Variants in B3GALNT1 observed in about 807,000 individuals in gnomAD.
B3GALNT1 encodes the protein beta-1,3-N-acetylgalactosaminyltransferase 1 (Globoside blood group), also known as UDP-GalNAc:beta-1,3-N-acetylgalactosaminyltransferase 1.
A neutral mutation model predicts 27.3 loss-of-function variants in B3GALNT1; 17 were observed. That is an observed-to-expected ratio of 0.62 (90% CI 0.43 to 0.94). The LOEUF (loss-of-function observed/expected upper bound fraction) is 0.94, where lower values mean the gene tolerates loss of function less well. B3GALNT1 is among the 40% of genes least tolerant of loss of function. B3GALNT1 has a pLI of 0.00. For synonymous variants in B3GALNT1, 141 were observed against 144.0 expected (o/e 0.98, Z 0.15); for missense variants, 347 against 390.0 (o/e 0.89, Z 0.93).
At position 161,084,689 on chromosome 3, in the gene B3GALNT1, C is replaced by T. The variant is rs1239528517; in HGVS notation, c.*1070G>A. Reference sequence around the variant, plus strand: ...AGGGCTTTCATCTTGATGAGAAACTCATAACAGCAGCAGCTCAAACTGATT... The same window carrying T: ...AGGGCTTTCATCTTGATGAGAAACTTATAACAGCAGCAGCTCAAACTGATT... On this transcript the variant is annotated 3_prime_UTR_variant, in exon 5 of 5. Transcript: ENST00000320474. The T allele has an allele frequency of 1.3e-5, 2 of 152,132 alleles. No homozygotes were observed. Among genetic ancestry groups the T allele is most frequent in the African/African-American group, 4.8e-5 (2 of 41,452 alleles). 9.4% of individuals were successfully genotyped at this position (152,132 alleles called of 1,614,324 possible).
In B3GALNT1 at chr3:161,084,533, G is replaced by A. The variant is rs1489885824; in HGVS notation, c.*1226C>T. On this transcript the variant is annotated 3_prime_UTR_variant, in exon 5 of 5. Transcript: ENST00000320474. ...TAAAAAGAAAACTGCATAAACCCAG[G>A]AACAGGGGGCAAGGAGTGCTCCCCT... 1 of 151,612 alleles carries A rather than the reference G, an allele frequency of 6.6e-6. No individual in the cohort carries two copies. Among genetic ancestry groups the A allele is most frequent in the Admixed American group, 6.6e-5 (1 of 15,210 alleles). The allele number at this position is 151,612 out of a possible 1,614,324, so 9.4% of individuals were successfully genotyped here. A position where few individuals can be genotyped will look rare whatever the true frequency, so the allele number is the denominator to read the frequency against.
At chr3:161,097,043 G>A (rs1409873143) in intron 4 of B3GALNT1, among the ~76,000 whole-genome samples, 1 of 152,204 alleles carries the variant, frequency 6.6e-6, no homozygotes, top group African/African-American at 2.4e-5. Context: ...CACCACCTAG[G>A]AGTGTATTAG....
chr3:161,104,489 A>C, intron 1 of B3GALNT1, 83 bp from the exon 2 acceptor site: 2 of 559,068 alleles, frequency 3.6e-6, no homozygotes, highest in South Asian at 3.7e-5. Flanking sequence ...GCGAACGGAT[A>C]CTGAATTCAA....
intron 1 of B3GALNT1, 196 bp from the exon 2 acceptor site, chr3:161,104,602 A>G: frequency 3.2e-6 from 1 of 312,458 alleles, no homozygotes; most frequent in South Asian, 2.6e-5. Context: ...ATGTTCCTTA[A>G]CACTGCCTGT....
intron 4 of B3GALNT1, among the ~76,000 whole-genome samples, chr3:161,098,861 GCT>G (rs1287078507): frequency 1.2e-4 from 18 of 152,286 alleles, no homozygotes; most frequent in Admixed American, 9.2e-4. Context: ...CACTGAGAAT[GCT>G]CTGTTTGACT....
intron 4 of B3GALNT1, among the ~76,000 whole-genome samples, chr3:161,094,833 A>G (rs1259706377): frequency 6.6e-6 from 1 of 152,166 alleles, no homozygotes; most frequent in African/African-American, 2.4e-5. Flanking sequence ...CATTTGCCAC[A>G]ATGCCGGGCA....
rs138641937 is a variant in B3GALNT1 at position 161,097,627 on chromosome 3, C to T, written c.-35+3512G>A. Among the ~76,000 whole-genome samples, 230 of 152,296 alleles carry T rather than the reference C, an allele frequency of 1.5e-3. 1 individual carries two copies. Among genetic ancestry groups the T allele is most frequent in the African/African-American group, 5.0e-3 (207 of 41,574 alleles). On this transcript the variant is annotated intron_variant, in intron 4 of 4. Coordinates refer to ENST00000320474, the MANE Select transcript of B3GALNT1 (RefSeq NM_003781.4). ...AAGCCAAACGCACATTTCTGGGTTC[C>T]GCCTCTGCACATGTGCTCCCCTCTC...
rs1721861021 is a variant in B3GALNT1 at position 161,086,422 on chromosome 3, C to T, written c.333G>A (p.Glu111=). 2.5e-6 allele frequency: 4 copies of T among 1,613,824 alleles called. No individual in the cohort carries two copies. Among genetic ancestry groups the T allele is most frequent in the Non-Finnish European group, 3.4e-6 (4 of 1,180,002 alleles). Residue 111 remains glutamate, a synonymous_variant, in exon 5 of 5, where the codon GAG becomes GAA. Coordinates refer to ENST00000320474, the MANE Select transcript of B3GALNT1 (RefSeq NM_003781.4). ...WGEKKSWWGY[E]VLTFFLLGQE... is the part of the protein sequence containing the mutation. Reference sequence around the variant, plus strand: ...GGCCTAATAAGAAAAATGTAAGAACCTCATATCCCCACCAAGACTTTTTTT... The same window carrying T: ...GGCCTAATAAGAAAAATGTAAGAACTTCATATCCCCACCAAGACTTTTTTT...
intron 4 of B3GALNT1, among the ~76,000 whole-genome samples, chr3:161,100,219 A>C (rs1312626136): frequency 6.6e-6 from 1 of 152,244 alleles, no homozygotes; most frequent in Non-Finnish European, 1.5e-5. Context: ...AGTTCATAGA[A>C]AAGGTTTCAT....
In B3GALNT1 at chr3:161,085,143, T is replaced by G. The variant is rs777360277; in HGVS notation, c.*616A>C. The G allele has an allele frequency of 1.3e-5, 2 of 152,542 alleles. No individual in the cohort carries two copies. The highest frequency in any genetic ancestry group is 2.4e-5 in the African/African-American group (1 of 41,462). The allele number at this position is 152,542 out of a possible 1,614,324, so 9.4% of individuals were successfully genotyped here. A position where few individuals can be genotyped will look rare whatever the true frequency, so the allele number is the denominator to read the frequency against. ...GTTAAGTAACTGGAAAATGTTTGCA[T>G]GTAAAGAATGATTCACTATCCTTTT... On this transcript the variant is annotated 3_prime_UTR_variant, in exon 5 of 5. Transcript: ENST00000320474.
Position 161,085,795 on chromosome 3 carries a change from C to A in B3GALNT1, c.960G>T (p.Trp320Cys). The change falls in exon 5 of 5, where the codon TGG becomes TGT. Residue 320 changes from tryptophan (W) to cysteine (C), a missense_variant. By Grantham distance (215) the Trp-to-Cys change is radical. Coordinates refer to ENST00000320474, the MANE Select transcript of B3GALNT1 (RefSeq NM_003781.4). ...GFSSKEIITF[W>C]QVMLRNTTCH... ...ATGTGGTGTTCCTTAGCATGACCTG[C>A]CAAAAAGTGATGATCTCCTTGGAAG... 6.2e-7 allele frequency: 1 copy of A among 1,614,082 alleles called. No individual in the cohort carries two copies. The highest frequency in any genetic ancestry group is 1.1e-5 in the South Asian group (1 of 91,060).
chr3:161,101,909 T>G (rs1275823365), intron 3 of B3GALNT1, among the ~76,000 whole-genome samples: 1 of 152,232 alleles, frequency 6.6e-6, no homozygotes, highest in Non-Finnish European at 1.5e-5. Flanking sequence ...AGATATGGTT[T>G]GAGCCCTATG....
chr3:161,089,427 G>A (rs1041431657), intron 4 of B3GALNT1, among the ~76,000 whole-genome samples: 2 of 152,060 alleles, frequency 1.3e-5, no homozygotes, highest in African/African-American at 4.8e-5. Context: ...TGACATGATG[G>A]CTACAAAAAG....
chr3:161,095,686 C>T (rs999123105), intron 4 of B3GALNT1, among the ~76,000 whole-genome samples: 2 of 152,170 alleles, frequency 1.3e-5, no homozygotes, highest in Non-Finnish European at 2.9e-5. Context: ...AGCTGCTAAC[C>T]CTGGTAGTAT....
intron 4 of B3GALNT1, among the ~76,000 whole-genome samples, chr3:161,095,242 C>T (rs923768303): frequency 1.2e-4 from 18 of 152,204 alleles, no homozygotes; most frequent in South Asian, 2.1e-4. Flanking sequence ...CTGGCTCCTT[C>T]TCATGCCTCA....
At chr3:161,103,881 C>T (rs1168838011) in intron 2 of B3GALNT1, 1 of 180,002 alleles carries the variant, frequency 5.6e-6, no homozygotes, top group Non-Finnish European at 1.2e-5. Flanking sequence ...GTGTGTGCCA[C>T]CACACCCAGC....
chr3:161,088,088 G>A (rs1722970850), intron 4 of B3GALNT1, among the ~76,000 whole-genome samples: 1 of 152,204 alleles, frequency 6.6e-6, no homozygotes, highest in African/African-American at 2.4e-5. Flanking sequence ...TGTCCTTATG[G>A]GAAGGCTAGT....
At position 161,086,237 on chromosome 3, in the gene B3GALNT1, G is replaced by A; in HGVS notation, c.518C>T (p.Ala173Val). 1 of 1,614,060 alleles carries A rather than the reference G, an allele frequency of 6.2e-7. No individual in the cohort carries two copies. Among genetic ancestry groups the A allele is most frequent in the South Asian group, 1.1e-5 (1 of 91,080 alleles). ...FRWVTEFCPN[A>V]KYVMKTDTDV... ...AGTGTCTGTCTTCATTACGTACTTG[G>A]CATTGGGGCAAAACTCAGTTACCCA... Residue 173 changes from alanine to valine, a missense_variant, in exon 5 of 5, where the codon GCC (alanine) becomes GTC (valine). Coordinates refer to ENST00000320474, the MANE Select transcript of B3GALNT1 (RefSeq NM_003781.4).
At chr3:161,097,620 T>G (rs938392873) in intron 4 of B3GALNT1, among the ~76,000 whole-genome samples, 1 of 152,222 alleles carries the variant, frequency 6.6e-6, no homozygotes, top group African/African-American at 2.4e-5. Context: ...CGCACATTTC[T>G]GGGTTCCGCC....
Sources: allele counts gnomAD v4.1 joint callset (sites outside exome capture counted in the v4.1 genomes callset), GRCh38; gene constraint gnomAD v4.1.1; transcripts MANE v1.5; gene names NCBI Gene and HGNC (gene_info 2026-07-23, HGNC 2026-07-21).